Variants in UGGT1 observed in about 807,000 individuals in gnomAD.
The protein encoded by UGGT1 is UDP-glucose:glycoprotein glucosyltransferase 1.
A neutral mutation model predicts 203.9 loss-of-function variants in UGGT1; 107 were observed. The observed-to-expected ratio is 0.52, with a 90% CI of 0.45 to 0.62. The LOEUF (loss-of-function observed/expected upper bound fraction) is 0.62, where lower values mean the gene tolerates loss of function less well. Among genes scored for constraint, UGGT1 ranks in the 20% least tolerant of loss-of-function variants. UGGT1 has a pLI of 0.00. For missense variants in UGGT1, 1,673 were observed against 1,867.2 expected (o/e 0.90, Z 1.92); for synonymous variants, 628 against 653.5 (o/e 0.96, Z 0.59).
chr2:128,181,798 C>T (rs1691703709), intron 36 of UGGT1, among the ~76,000 whole-genome samples: 1 of 152,216 alleles, frequency 6.6e-6, no homozygotes, highest in African/African-American at 2.4e-5. Flanking sequence ...CATATGTTAA[C>T]TTACATAATC....
chr2:128,102,605 A>G (rs1687430788), intron 2 of UGGT1, among the ~76,000 whole-genome samples: 1 of 152,184 alleles, frequency 6.6e-6, no homozygotes, highest in South Asian at 2.1e-4. Flanking sequence ...AGTAAGTAAT[A>G]TTAGGACTGT....
Position 128,195,320 on chromosome 2 carries a change from C to T in UGGT1, c.*5578C>T, listed in dbSNP as rs1692466011. The T allele has an allele frequency of 6.6e-6, 1 of 152,146 alleles. No individual in the cohort carries two copies. Among genetic ancestry groups the T allele is most frequent in the Non-Finnish European group, 1.5e-5 (1 of 68,028 alleles). The allele number at this position is 152,146 out of a possible 1,614,324, so 9.4% of individuals were successfully genotyped here. On this transcript the variant is annotated 3_prime_UTR_variant, in exon 41 of 41. Coordinates refer to ENST00000259253, the MANE Select transcript of UGGT1 (RefSeq NM_020120.4). ...AAATGGGCATAACGTCTCTTAACAA[C>T]AACAGCAGAAAGCAAAATACATTAA...
In UGGT1 at chr2:128,171,255, A is replaced by T. The variant is rs780079997; in HGVS notation, c.3075A>T (p.Gln1025His). Residue 1025 changes from glutamine to histidine, a missense_variant, in exon 28 of 41, where the codon CAA (glutamine) becomes CAT (histidine). This residue lies in a region of UGGT1 where 513 missense variants were observed against 684.1 expected (regional missense o/e 0.75). Coordinates refer to ENST00000259253, the MANE Select transcript of UGGT1 (RefSeq NM_020120.4). ...NMNLRVFMNC[Q>H]SKLSDMPLKS... ...ATCTGAGAGTATTTATGAACTGCCA[A>T]TCCAAACTTTCTGACATGCCTTTAA... 1 of 1,613,526 alleles carries T rather than the reference A, an allele frequency of 6.2e-7. No homozygotes were observed.
At chr2:128,188,576 T>A (rs1290716010) in intron 40 of UGGT1, among the ~76,000 whole-genome samples, 1 of 152,232 alleles carries the variant, frequency 6.6e-6, no homozygotes, top group African/African-American at 2.4e-5. Context: ...ATTGTACATA[T>A]TTGTGGAGTC....
At chr2:128,167,411 T>C (rs1690849696) in intron 26 of UGGT1, among the ~76,000 whole-genome samples, 1 of 152,220 alleles carries the variant, frequency 6.6e-6, no homozygotes. Context: ...TCATTTATGC[T>C]AGAAATAGAA....
At chr2:128,170,438 C>T in intron 27 of UGGT1, 48 bp downstream of exon 27, 1 of 1,538,308 alleles carries the variant, frequency 6.5e-7, no homozygotes, top group Non-Finnish European at 9.0e-7. Flanking sequence ...TTGAAGTTGT[C>T]ACATGCTCTG....
At chr2:128,172,525 C>G in intron 28 of UGGT1, 48 bp from the exon 29 acceptor site, 1 of 1,593,930 alleles carries the variant, frequency 6.3e-7, no homozygotes, top group Non-Finnish European at 8.6e-7. Context: ...GCACTCAAGT[C>G]CTGTTGTCAC....
chr2:128,121,422 T>TTTA (rs1688375323), intron 10 of UGGT1, 124 bp downstream of exon 10: 1 of 644,304 alleles, frequency 1.6e-6, no homozygotes. Flanking sequence ...TTTTTTTTTT[T>TTTA]GAGATGGAGT....
intron 21 of UGGT1, among the ~76,000 whole-genome samples, chr2:128,156,675 C>T (rs1431581551): frequency 4.7e-5 from 7 of 149,970 alleles, no homozygotes; most frequent in Non-Finnish European, 7.4e-5. Flanking sequence ...TCAAGTGATT[C>T]TCCTGCCTCA....
chr2:128,124,645 G>C (rs1303163777), intron 11 of UGGT1, among the ~76,000 whole-genome samples: 1 of 150,244 alleles, frequency 6.7e-6, no homozygotes, highest in African/African-American at 2.4e-5. Context: ...TGACTAGTTT[G>C]GCCTTTTAAA....
intron 38 of UGGT1, among the ~76,000 whole-genome samples, chr2:128,186,297 G>A (rs551296272): frequency 6.6e-6 from 1 of 152,322 alleles, no homozygotes; most frequent in South Asian, 2.1e-4. Context: ...CATCACTGAT[G>A]TTCTATACGT....
intron 8 of UGGT1, among the ~76,000 whole-genome samples, chr2:128,117,704 C>G (rs373933696): frequency 1.3e-5 from 2 of 151,912 alleles, no homozygotes; most frequent in African/African-American, 4.8e-5. Flanking sequence ...CCACCACACC[C>G]GGCTAATTTT....
chr2:128,095,220 C>CT (rs1687055548), intron 1 of UGGT1, among the ~76,000 whole-genome samples: 1 of 152,174 alleles, frequency 6.6e-6, no homozygotes, highest in Non-Finnish European at 1.5e-5. Flanking sequence ...TTGGTTATCT[C>CT]TAATTTCAGT....
intron 32 of UGGT1, 73 bp downstream of exon 32, chr2:128,176,971 C>A: frequency 7.1e-7 from 1 of 1,408,900 alleles, no homozygotes; most frequent in Non-Finnish European, 9.9e-7. Context: ...TTGGAACCAG[C>A]CCAAGAGTCT....
intron 21 of UGGT1, 85 bp from the exon 22 acceptor site, chr2:128,157,167 T>C (rs1690276377): frequency 1.1e-6 from 1 of 950,826 alleles, no homozygotes; most frequent in East Asian, 2.4e-5. Context: ...TTACAAATTA[T>C]TTGGTCAATT....
At position 128,181,021 on chromosome 2, in the gene UGGT1, T is replaced by G. The variant is rs1251989522; in HGVS notation, c.4032T>G (p.Asp1344Glu). ...IIWGYKILFL[D>E]VLFPLVVDKF... ...GGGGTTACAAGATCCTCTTCCTGGATGTACTTTTCCCACTAGTTGTTGACA... is the reference window on the plus strand; with the variant it reads ...GGGGTTACAAGATCCTCTTCCTGGAGGTACTTTTCCCACTAGTTGTTGACA... Residue 1344 changes from aspartate (D) to glutamate (E), a missense_variant, in exon 36 of 41, where the codon GAT becomes GAG. By Grantham distance (45) the Asp-to-Glu change is conservative. This residue lies in a region of UGGT1 where 513 missense variants were observed against 684.1 expected (regional missense o/e 0.75). Coordinates refer to ENST00000259253, the MANE Select transcript of UGGT1 (RefSeq NM_020120.4). 9 of 1,614,118 alleles carry G rather than the reference T, an allele frequency of 5.6e-6. No homozygotes were observed. Among genetic ancestry groups the G allele is most frequent in the Admixed American group, 1.7e-5 (1 of 60,014 alleles).
At chr2:128,120,306 T>C in intron 8 of UGGT1, 50 bp from the exon 9 acceptor site, 1 of 1,562,444 alleles carries the variant, frequency 6.4e-7, no homozygotes, top group Non-Finnish European at 8.7e-7. Context: ...CTTCTTATGC[T>C]CCGGGAAAGA....
At chr2:128,120,224 T>C (rs1688311554) in intron 8 of UGGT1, 132 bp from the exon 9 acceptor site, 1 of 700,158 alleles carries the variant, frequency 1.4e-6, no homozygotes, top group East Asian at 2.8e-5. Context: ...ATACTTCATT[T>C]TTTCCCCCTA....
chr2:128,115,713 C>T (rs1688070119), intron 7 of UGGT1, among the ~76,000 whole-genome samples: 1 of 152,034 alleles, frequency 6.6e-6, no homozygotes, highest in African/African-American at 2.4e-5. Flanking sequence ...TGGATACTTT[C>T]TGTTGTAATA....
Sources: allele counts gnomAD v4.1 joint callset (sites outside exome capture counted in the v4.1 genomes callset), GRCh38; gene constraint gnomAD v4.1.1; regional missense constraint gnomAD v4.1.1; transcripts MANE v1.5; gene names NCBI Gene and HGNC (gene_info 2026-07-23, HGNC 2026-07-21).